Variants in ENTREP2 observed in about 807,000 individuals in gnomAD.
ENTREP2 encodes the protein protein ENTREP2.
At chr15:29,398,021 A>G in the ENTREP2 span, among the ~76,000 whole-genome samples, 4 of 151,714 alleles carry the variant, frequency 2.6e-5, no homozygotes, top group East Asian at 7.7e-4. Context: ...CTTCCCCCTC[A>G]TTATTTATTT....
the ENTREP2 span, chr15:29,126,554 C>G: frequency 7.1e-7 from 1 of 1,417,692 alleles, no homozygotes; most frequent in Non-Finnish European, 9.7e-7. Context: ...GTGGGACAGG[C>G]CTGCCCCTCA....
chr15:29,475,405 G>A, the ENTREP2 span, among the ~76,000 whole-genome samples: 9 of 152,126 alleles, frequency 5.9e-5, no homozygotes, highest in African/African-American at 1.7e-4. Context: ...TGCTCCATCC[G>A]GCTCCCTTAG....
chr15:29,501,445 T>C, the ENTREP2 span, among the ~76,000 whole-genome samples: 1 of 152,160 alleles, frequency 6.6e-6, no homozygotes, highest in South Asian at 2.1e-4. Flanking sequence ...GCAGAAAAAG[T>C]ATTTGACAAA....
At chr15:29,514,030 G>C in the ENTREP2 span, among the ~76,000 whole-genome samples, 3 of 152,168 alleles carry the variant, frequency 2.0e-5, no homozygotes, top group African/African-American at 7.2e-5. Flanking sequence ...CCAGATAGGG[G>C]GAGCAGGGAG....
the ENTREP2 span, among the ~76,000 whole-genome samples, chr15:29,138,854 C>T: frequency 8.6e-5 from 13 of 151,806 alleles, no homozygotes; most frequent in East Asian, 5.8e-4. Context: ...CGCATCTGAA[C>T]GGGTCTTGAA....
chr15:29,284,657 T>C, the ENTREP2 span, among the ~76,000 whole-genome samples: 6 of 152,012 alleles, frequency 3.9e-5, no homozygotes, highest in South Asian at 1.0e-3. Context: ...ATTTAGTGGC[T>C]AGGGAGAAGA....
chr15:29,460,500 C>A, the ENTREP2 span, among the ~76,000 whole-genome samples: 1 of 151,802 alleles, frequency 6.6e-6, no homozygotes, highest in African/African-American at 2.4e-5. Flanking sequence ...GGCACGGTGG[C>A]GCGTGCCTGT....
the ENTREP2 span, among the ~76,000 whole-genome samples, chr15:29,549,507 T>G: frequency 6.6e-6 from 1 of 152,156 alleles, no homozygotes; most frequent in African/African-American, 2.4e-5. Context: ...CCTGACCTCG[T>G]GATCCGCCCG....
At chr15:29,366,019 C>T in the ENTREP2 span, among the ~76,000 whole-genome samples, 2 of 152,136 alleles carry the variant, frequency 1.3e-5, no homozygotes, top group African/African-American at 4.8e-5. Context: ...TCCGTTATCA[C>T]CTACTGGGAT....
the ENTREP2 span, among the ~76,000 whole-genome samples, chr15:29,256,868 C>T: frequency 6.6e-6 from 1 of 151,896 alleles, no homozygotes; most frequent in African/African-American, 2.4e-5. Context: ...TTTATCCTCC[C>T]ATCATTTTTT....
the ENTREP2 span, among the ~76,000 whole-genome samples, chr15:29,466,696 G>A: frequency 8.3e-6 from 1 of 120,774 alleles, no homozygotes; most frequent in Non-Finnish European, 1.7e-5. Context: ...CGGGGAGGAT[G>A]CTGATGGCCC....
At chr15:29,163,599 C>T in the ENTREP2 span, among the ~76,000 whole-genome samples, 39,223 of 151,824 alleles carry the variant, frequency 0.26, 5,416 homozygotes, top group Non-Finnish European at 0.31. Flanking sequence ...TGAATTAACC[C>T]AATCCCACAA....
the ENTREP2 span, among the ~76,000 whole-genome samples, chr15:29,621,956 C>T: frequency 6.6e-6 from 1 of 152,114 alleles, no homozygotes; most frequent in Non-Finnish European, 1.5e-5. Context: ...GTGAAATGAG[C>T]TAATCACAAA....
the ENTREP2 span, among the ~76,000 whole-genome samples, chr15:29,201,882 C>T: frequency 6.6e-6 from 1 of 152,118 alleles, no homozygotes; most frequent in East Asian, 1.9e-4. Flanking sequence ...TAGAATTCTC[C>T]AGTGAAACCA....
At chr15:29,474,643 C>T in the ENTREP2 span, among the ~76,000 whole-genome samples, 1 of 152,104 alleles carries the variant, frequency 6.6e-6, no homozygotes, top group African/African-American at 2.4e-5. Context: ...CAACCTCCGC[C>T]TCCCGGGTTC....
chr15:29,415,768 A>C, the ENTREP2 span, among the ~76,000 whole-genome samples: 1 of 152,190 alleles, frequency 6.6e-6, no homozygotes, highest in African/African-American at 2.4e-5. Flanking sequence ...CTCAGCCCAC[A>C]ATCTCCTTAA....
the ENTREP2 span, among the ~76,000 whole-genome samples, chr15:29,218,931 A>C: frequency 6.6e-6 from 1 of 152,214 alleles, no homozygotes; most frequent in Non-Finnish European, 1.5e-5. Flanking sequence ...CCAGGAACCC[A>C]AAAACAAATG....
chr15:29,300,852 C>T, the ENTREP2 span, among the ~76,000 whole-genome samples: 9 of 152,316 alleles, frequency 5.9e-5, no homozygotes, highest in Middle Eastern at 3.4e-3. Flanking sequence ...CTGCCTGGGC[C>T]TCCCAAAGTG....
chr15:29,399,797 G>T, the ENTREP2 span, among the ~76,000 whole-genome samples: 1 of 152,090 alleles, frequency 6.6e-6, no homozygotes, highest in Admixed American at 6.6e-5. Flanking sequence ...AAAGAGAAAA[G>T]AAAATGCTAT....
Sources: gnomAD v4.1 joint callset for allele counts (sites outside exome capture counted in the v4.1 genomes callset) on GRCh38, gnomAD v4.1.1 for gene constraint, MANE v1.5 for transcripts, NCBI Gene and HGNC (gene_info 2026-07-23, HGNC 2026-07-21) for gene names.